The following MAMDC2 variants were observed in gnomAD, a reference collection of about 807,000 sequenced individuals.
MAMDC2 encodes MAM domain-containing protein 2.
MAMDC2 carries 57 observed loss-of-function variants against 89.8 expected under a neutral mutation model. The observed-to-expected ratio is 0.63, with a 90% confidence interval of 0.51 to 0.79. MAMDC2 has a LOEUF of 0.79. MAMDC2 is among the 30% of genes least tolerant of loss of function. The pLI is 0.00. For missense variants in MAMDC2, 800 were observed against 820.6 expected, an observed-to-expected ratio of 0.97 and a Z score of 0.31; for synonymous variants, 313 against 293.4, an observed-to-expected ratio of 1.07 and a Z score of -0.68.
chr9:70,097,589 C>G (rs1038593772), intron 2 of MAMDC2, among the ~76,000 whole-genome samples: 1 of 152,142 alleles, frequency 6.6e-6, no homozygotes, highest in Admixed American at 6.5e-5. Flanking sequence ...CTTTGCTGGT[C>G]TAGAGAAGGT....
chr9:70,204,206 G>A (rs1443345556), intron 11 of MAMDC2, among the ~76,000 whole-genome samples: 3 of 148,484 alleles, frequency 2.0e-5, no homozygotes, highest in African/African-American at 7.4e-5. Context: ...TTTGGTCTTT[G>A]ATGATGGTGA....
Position 70,051,892 on chromosome 9 carries a change from T to G in MAMDC2, c.148+7195T>G, listed in dbSNP as rs62572647. ...ATTTACCTATCTAGATAGATAGAGA[T>G]AGATAGATAGATAGATAGATAGATA... On this transcript the variant is annotated intron_variant, in intron 2 of 13. Transcript: ENST00000377182. 8.1e-3 allele frequency among the ~76,000 whole-genome samples: 918 copies of G among 113,238 alleles called. 3 individuals are homozygous for G. Among genetic ancestry groups the G allele is most frequent in the East Asian group, 0.036 (146 of 4,042 alleles). The allele number at this position is 113,238 out of a possible 152,430, so 74.3% of individuals were successfully genotyped here.
intron 2 of MAMDC2, among the ~76,000 whole-genome samples, chr9:70,046,763 C>T (rs776540649): frequency 3.3e-5 from 5 of 152,262 alleles, no homozygotes; most frequent in Admixed American, 3.3e-4. Context: ...ACAACCACTG[C>T]TTTCTGGCTC....
Position 70,221,370 on chromosome 9 carries a change from T to G in MAMDC2, c.1911+2774T>G, listed in dbSNP as rs1438154977. 2.4e-3 allele frequency among the ~76,000 whole-genome samples: 17 copies of G among 7,166 alleles called. 1 individual carries two copies. The highest frequency in any genetic ancestry group is 5.7e-3 in the African/African-American group (15 of 2,624). 4.7% of individuals were successfully genotyped at this position (7,166 alleles called of 152,430 possible). ...GCCAAACAACAAATATATATATATATATATATATATAGAGAGAGAGAGAGA... is the reference window on the plus strand; with the variant it reads ...GCCAAACAACAAATATATATATATAGATATATATATAGAGAGAGAGAGAGA... On this transcript the variant is annotated intron_variant, in intron 12 of 13. Transcript: ENST00000377182.
chr9:70,163,945 T>G (rs1454314866), intron 9 of MAMDC2, among the ~76,000 whole-genome samples: 3 of 129,612 alleles, frequency 2.3e-5, no homozygotes, highest in Non-Finnish European at 4.8e-5. Flanking sequence ...AGAGTGAGAC[T>G]CTGTCTCAAA....
chr9:70,144,572 T>A lies in MAMDC2; in HGVS notation c.1404+753T>A, dbSNP rs554372622. ...GCCTGTGTCAGTCAATCAGCAAATA[T>A]CTCTTGAGTATCCTGTCGTGTAAGA... On this transcript the variant is annotated intron_variant, in intron 9 of 13. Transcript: ENST00000377182. Among the ~76,000 whole-genome samples the A allele has an allele frequency of 5.9e-5, 9 of 152,290 alleles. No individual in the cohort carries two copies. In the South Asian group the frequency reaches 1.4e-3, roughly 25 times the overall value.
At chr9:70,074,622 G>A (rs889889682) in intron 2 of MAMDC2, among the ~76,000 whole-genome samples, 1 of 152,192 alleles carries the variant, frequency 6.6e-6, no homozygotes, top group Non-Finnish European at 1.5e-5. Flanking sequence ...GCTGGCATGT[G>A]GCAGGATGGG....
chr9:70,054,186 C>T (rs1269106705), intron 2 of MAMDC2, among the ~76,000 whole-genome samples: 1 of 152,048 alleles, frequency 6.6e-6, no homozygotes. Flanking sequence ...ATAGTCTGGG[C>T]AGGAGTATGG....
At chr9:70,068,006 T>C (rs1407816629) in intron 2 of MAMDC2, among the ~76,000 whole-genome samples, 3 of 152,220 alleles carry the variant, frequency 2.0e-5, no homozygotes. Flanking sequence ...CTAATCTGTG[T>C]ATCCCATAAA....
At chr9:70,066,505 A>C (rs1827268415) in intron 2 of MAMDC2, among the ~76,000 whole-genome samples, 1 of 152,084 alleles carries the variant, frequency 6.6e-6, no homozygotes, top group African/African-American at 2.4e-5. Context: ...ATACTGTGCA[A>C]GGGCGAAGGG....
At chr9:70,123,038 C>G (rs1404909533) in intron 5 of MAMDC2, among the ~76,000 whole-genome samples, 1 of 152,120 alleles carries the variant, frequency 6.6e-6, no homozygotes, top group African/African-American at 2.4e-5. Context: ...AATGATGGTT[C>G]CTTCAGCAAG....
At chr9:70,192,990 C>A (rs1309142310) in intron 11 of MAMDC2, among the ~76,000 whole-genome samples, 1 of 151,938 alleles carries the variant, frequency 6.6e-6, no homozygotes, top group Non-Finnish European at 1.5e-5. Context: ...GATGAGGACC[C>A]TTACATTGAG....
At chr9:70,192,437 T>TA (rs1159077710) in intron 11 of MAMDC2, among the ~76,000 whole-genome samples, 1 of 152,148 alleles carries the variant, frequency 6.6e-6, no homozygotes, top group Non-Finnish European at 1.5e-5. Context: ...TCTGGCCTCT[T>TA]ACAACATATT....
At chr9:70,127,325 G>T (rs1179859065) in intron 6 of MAMDC2, among the ~76,000 whole-genome samples, 3 of 152,174 alleles carry the variant, frequency 2.0e-5, no homozygotes, top group Non-Finnish European at 2.9e-5. Flanking sequence ...CTGACCGAAA[G>T]CTGAGGAAGG....
chr9:70,185,401 T>C (rs1485187462), intron 11 of MAMDC2, among the ~76,000 whole-genome samples: 2 of 152,198 alleles, frequency 1.3e-5, no homozygotes, highest in Admixed American at 6.5e-5. Context: ...TTAGCAGAGC[T>C]TGGGCACTGT....
chr9:70,085,459 C>A (rs1377694354), intron 2 of MAMDC2, among the ~76,000 whole-genome samples: 3 of 152,066 alleles, frequency 2.0e-5, no homozygotes, highest in Non-Finnish European at 1.5e-5. Flanking sequence ...CTGTCTGAAA[C>A]TCCTTGTCAT....
intron 9 of MAMDC2, among the ~76,000 whole-genome samples, chr9:70,150,160 C>T (rs989139446): frequency 6.6e-6 from 1 of 152,166 alleles, no homozygotes; most frequent in Non-Finnish European, 1.5e-5. Flanking sequence ...GCTATGACAC[C>T]CAAACCTACG....
intron 11 of MAMDC2, among the ~76,000 whole-genome samples, chr9:70,202,183 G>T (rs1021204820): frequency 3.3e-5 from 5 of 150,588 alleles, no homozygotes; most frequent in African/African-American, 1.2e-4. Context: ...TTTCTCTTGT[G>T]GGCATTTAGT....
chr9:70,064,112 A>C (rs1369971917), intron 2 of MAMDC2, among the ~76,000 whole-genome samples: 3 of 152,020 alleles, frequency 2.0e-5, no homozygotes, highest in African/African-American at 7.2e-5. Context: ...TTTCTTTATA[A>C]AAATGATGTA....
Sources: gnomAD v4.1 joint callset for allele counts (sites outside exome capture counted in the v4.1 genomes callset) on GRCh38, gnomAD v4.1.1 for gene constraint, MANE v1.5 for transcripts, NCBI Gene and HGNC (gene_info 2026-07-23, HGNC 2026-07-21) for gene names.